NEB: variants seen among roughly 807,000 people sequenced by gnomAD.
The protein encoded by NEB is nebulin, also known as nemaline myopathy type 2.
In NEB, 512 loss-of-function variants were observed where a neutral mutation model predicts 952.2. The observed-to-expected ratio is 0.54, with a 90% CI of 0.50 to 0.58. NEB has a LOEUF of 0.58. Ranked by LOEUF, NEB falls within the 20% of genes least tolerant of loss-of-function variation. The pLI, the probability that NEB is intolerant of heterozygous loss-of-function variation, is 0.00. For synonymous variants in NEB, 2,900 were observed against 3,149.8 expected, an observed-to-expected ratio of 0.92 and a Z score of 2.66; for missense variants, 8,428 against 9,231.1, an observed-to-expected ratio of 0.91 and a Z score of 3.56.
In NEB at chr2:151,512,883, C is replaced by CAACA. The variant is rs142314464; in HGVS notation, c.23242-50_23242-47dup. On this transcript the variant is annotated intron_variant, in intron 160 of 181. Coordinates refer to ENST00000397345, the MANE Select transcript of NEB (RefSeq NM_001164508.2). ...GTTGGGTAAATGTTTGCAATGTGCA[C>CAACA]AACAGTTGTTGGCTTGATTTGATTA... is the stretch of plus-strand genomic sequence containing the variant. 0.021 allele frequency: 27,311 copies of CAACA among 1,328,656 alleles called. 421 individuals are homozygous for CAACA. The highest frequency in any genetic ancestry group is 0.053 in the African/African-American group (3,676 of 69,482). The allele number at this position is 1,328,656 out of a possible 1,614,324, so 82.3% of individuals were successfully genotyped here.
chr2:151,619,374 C>A, intron 73 of NEB, 77 bp downstream of exon 73: 1 of 1,373,014 alleles, frequency 7.3e-7, no homozygotes, highest in Non-Finnish European at 9.9e-7. Flanking sequence ...AATTGCAGTT[C>A]ATTGGCACTA....
intron 63 of NEB, among the ~76,000 whole-genome samples, chr2:151,637,805 G>T (rs2098791060): frequency 6.6e-6 from 1 of 152,198 alleles, no homozygotes; most frequent in Non-Finnish European, 1.5e-5. Context: ...TCTGACAGGG[G>T]AGTAAGACTT....
intron 5 of NEB, 29 bp from the exon 6 acceptor site, chr2:151,725,589 C>T (rs377228526): frequency 1.3e-4 from 202 of 1,580,506 alleles, no homozygotes; most frequent in Non-Finnish European, 1.7e-4. Context: ...ATTAGCCTAA[C>T]AAGACAGCAG....
chr2:151,522,677 A>C (rs2082688741), intron 153 of NEB, among the ~76,000 whole-genome samples: 1 of 152,232 alleles, frequency 6.6e-6, no homozygotes, highest in Non-Finnish European at 1.5e-5. Flanking sequence ...AATGCCAAGA[A>C]AGTAGACAAG....
rs1329027338 is a variant in NEB, at chr2:151,548,423, A to G, written c.20050-8T>C. On this transcript the variant is annotated splice_polypyrimidine_tract_variant and splice_region_variant and intron_variant, in intron 130 of 181. Coordinates refer to ENST00000397345, the MANE Select transcript of NEB (RefSeq NM_001164508.2). The stretch of plus-strand genomic sequence containing the variant: ...GGCTTCTTTGTACTTGAACTGCAAA[A>G]GCAAAGTCAGAATGAGATCAATGAT... The G allele has an allele frequency of 1.3e-6, 2 of 1,573,034 alleles. No homozygotes were observed. The highest frequency in any genetic ancestry group is 4.5e-5 in the East Asian group (2 of 44,632).
rs1361516207 is a variant in NEB at position 151,695,693 on chromosome 2, G to C, written c.1570-11C>G. 6.3e-7 allele frequency: 1 copy of C among 1,577,922 alleles called. No individual in the cohort carries two copies. The highest frequency in any genetic ancestry group is 1.3e-5 in the African/African-American group (1 of 74,190). ...TGCTTTGTAATTTAACTATGACAGA[G>C]AGAGAACCAATTAGTTCAGAAGAAT... On this transcript the variant is annotated splice_polypyrimidine_tract_variant and intron_variant, in intron 17 of 181. Coordinates refer to ENST00000397345, the MANE Select transcript of NEB (RefSeq NM_001164508.2).
intron 3 of NEB, among the ~76,000 whole-genome samples, chr2:151,730,544 G>T (rs2099803980): frequency 7.0e-6 from 1 of 143,610 alleles, no homozygotes; most frequent in Admixed American, 7.4e-5. Flanking sequence ...AGGGTGAACA[G>T]AAGGAGAGGC....
Position 151,527,485 on chromosome 2 carries a change from C to T in NEB, c.21836G>A (p.Ser7279Asn), listed in dbSNP as rs1378288641. The part of the protein sequence containing the change: ...LQAAKSSLQQ[S>N]DFEYKLDREF... The stretch of plus-strand genomic sequence containing the variant: ...TCTGTGTCTCTCCTGTCTTACATCG[C>T]TTTGCTGCAGGGATGACTTGGCAGC... The change falls in exon 147 of 182, where the codon AGC becomes AAC. Residue 7279 changes from serine (S) to asparagine (N), a missense_variant. Around this residue, in one of 11 missense-constraint regions of NEB, gnomAD observed 3,374 missense variants for 3,651.5 expected, o/e 0.92. Coordinates refer to ENST00000397345, the MANE Select transcript of NEB (RefSeq NM_001164508.2). 6 of 1,611,688 alleles carry T rather than the reference C, an allele frequency of 3.7e-6. No individual in the cohort carries two copies. Among genetic ancestry groups the T allele is most frequent in the Non-Finnish European group, 5.1e-6 (6 of 1,178,668 alleles).
At chr2:151,697,325 G>T in intron 15 of NEB, 25 bp downstream of exon 15, 1 of 1,610,606 alleles carries the variant, frequency 6.2e-7, no homozygotes, top group Non-Finnish European at 8.5e-7. Flanking sequence ...TATTTGGAAA[G>T]TCAAACAATT....
At chr2:151,544,380 A>T (rs528213899) in intron 135 of NEB, among the ~76,000 whole-genome samples, 62 of 152,278 alleles carry the variant, frequency 4.1e-4, no homozygotes, top group African/African-American at 1.4e-3. Context: ...GTGGTTTTCA[A>T]CACAGGCTAC....
At chr2:151,689,427 ACTCCTAGGCTCAACTGAT>A (rs1170495710) in intron 24 of NEB, 1 of 150,908 alleles carries the variant, frequency 6.6e-6, no homozygotes, top group Non-Finnish European at 1.5e-5. Flanking sequence ...CTAGTTTCAA[ACTCCTAGGCTCAACTGAT>A]CTGCCTGCCT....
chr2:151,510,433 A>G (rs1175912832), intron 161 of NEB, among the ~76,000 whole-genome samples: 1 of 152,226 alleles, frequency 6.6e-6, no homozygotes, highest in Non-Finnish European at 1.5e-5. Flanking sequence ...TTAGTACTCA[A>G]ACAGTTGTTA....
chr2:151,652,891 G>A (rs184471959), intron 52 of NEB, among the ~76,000 whole-genome samples: 241 of 152,246 alleles, frequency 1.6e-3, no homozygotes, highest in Non-Finnish European at 2.9e-3. Flanking sequence ...TTAGCACATA[G>A]CACTAAATGG....
At chr2:151,657,115 G>C (rs770317211) in intron 48 of NEB, among the ~76,000 whole-genome samples, 32 of 152,158 alleles carry the variant, frequency 2.1e-4, no homozygotes, top group Non-Finnish European at 3.7e-4. Context: ...GTCTCCTTTT[G>C]GGGTTGCGTG....
At chr2:151,500,512 T>TA (rs1000232126) in intron 168 of NEB, among the ~76,000 whole-genome samples, 14 of 149,320 alleles carry the variant, frequency 9.4e-5, no homozygotes, top group Middle Eastern at 3.5e-3. Context: ...ATTTGTATAT[T>TA]AAAAAAAAAT....
At chr2:151,682,917 T>C (rs2099432812) in intron 28 of NEB, 148 bp from the exon 29 acceptor site, 1 of 661,714 alleles carries the variant, frequency 1.5e-6, no homozygotes, top group African/African-American at 1.9e-5. Flanking sequence ...ATTTCTTTGG[T>C]GAGATATAGT....
intron 17 of NEB, 81 bp from the exon 18 acceptor site, chr2:151,695,763 T>C (rs2149304436): frequency 9.7e-7 from 1 of 1,028,976 alleles, no homozygotes; most frequent in Non-Finnish European, 1.5e-6. Flanking sequence ...TTTGTAAAGT[T>C]AGTGACAGCA....
intron 171 of NEB, 35 bp downstream of exon 171, chr2:151,497,591 A>C: frequency 6.5e-7 from 1 of 1,542,994 alleles, no homozygotes; most frequent in Non-Finnish European, 8.8e-7. Flanking sequence ...CAAAATCATT[A>C]AATAAGTAGT....
At chr2:151,565,453 A>T in intron 116 of NEB, 48 bp downstream of exon 116, 2 of 1,262,752 alleles carry the variant, frequency 1.6e-6, no homozygotes, top group Non-Finnish European at 2.3e-6. Flanking sequence ...AATGATAGAC[A>T]ATTTACTCCC....
Sources: gnomAD v4.1 joint callset for allele counts (sites outside exome capture counted in the v4.1 genomes callset) on GRCh38, gnomAD v4.1.1 for gene constraint, gnomAD v4.1.1 regional missense constraint, MANE v1.5 for transcripts, NCBI Gene and HGNC (gene_info 2026-07-23, HGNC 2026-07-21) for gene names.